The following SLC2A1 variants were observed in gnomAD, a reference collection of about 807,000 sequenced individuals.
SLC2A1 encodes solute carrier family 2 member 1, also known as solute carrier family 2, facilitated glucose transporter member 1.
Under a neutral mutation model 46.6 loss-of-function variants are expected in SLC2A1, and 4 were observed. That is an observed-to-expected ratio of 0.09 (90% CI 0.04 to 0.20). SLC2A1 has a LOEUF of 0.20. Ranked by LOEUF, SLC2A1 falls within the 10% of genes least tolerant of loss-of-function variation. The pLI is 1.00. For missense variants in SLC2A1, 352 were observed against 667.0 expected (o/e 0.53, Z 5.20); for synonymous variants, 253 against 270.0 (o/e 0.94, Z 0.62).
At chr1:42,946,151 G>A (rs1394631199) in intron 1 of SLC2A1, among the ~76,000 whole-genome samples, 4 of 152,240 alleles carry the variant, frequency 2.6e-5, no homozygotes, top group South Asian at 2.1e-4. Context: ...CCACTGAGCA[G>A]CTGCTCGACT....
chr1:42,926,856 T>C lies in SLC2A1; in HGVS notation c.*185A>G. The C allele has an allele frequency of 2.7e-6, 4 of 1,468,308 alleles. No homozygotes were observed. The highest frequency in any genetic ancestry group is 2.5e-5 in the Admixed American group (1 of 39,724). The allele number at this position is 1,468,308 out of a possible 1,614,324, so 91.0% of individuals were successfully genotyped here. On this transcript the variant is annotated 3_prime_UTR_variant, in exon 10 of 10. Transcript: ENST00000426263. ...ATAGATTTGAGCAACAGTCTTGCTTTTGTTAAAATCCTGGAGCCGTTAAGT... is the reference window on the plus strand; with the variant it reads ...ATAGATTTGAGCAACAGTCTTGCTTCTGTTAAAATCCTGGAGCCGTTAAGT...
At chr1:42,940,406 ATG>A (rs1643585514) in intron 2 of SLC2A1, among the ~76,000 whole-genome samples, 1 of 152,202 alleles carries the variant, frequency 6.6e-6, no homozygotes, top group Non-Finnish European at 1.5e-5. Context: ...GTCTATTACT[ATG>A]ACAGGCACCG....
At chr1:42,940,956 G>A (rs1014090601) in intron 2 of SLC2A1, among the ~76,000 whole-genome samples, 1 of 152,098 alleles carries the variant, frequency 6.6e-6, no homozygotes, top group Non-Finnish European at 1.5e-5. Context: ...TGGCACACCT[G>A]CTCCTTCTTC....
Position 42,927,095 on chromosome 1 carries a change from A to G in SLC2A1, c.1425T>C (p.Ser475=). The G allele has an allele frequency of 6.2e-7, 1 of 1,614,130 alleles. No individual in the cohort carries two copies. The highest frequency in any genetic ancestry group is 8.5e-7 in the Non-Finnish European group (1 of 1,180,030). The change falls in exon 10 of 10, where the codon AGT becomes AGC. Residue 475 remains serine, a synonymous_variant. Coordinates refer to ENST00000426263, the MANE Select transcript of SLC2A1 (RefSeq NM_006516.4). This position sits in a 1 kb window ranked among gnomAD's most constrained non-coding sequence, Gnocchi z 5.3. ...SGFRQGGASQ[S]DKTPEELFHP... ...GGAACAGCTCCTCGGGTGTCTTGTC[A>G]CTTTGGCTGGCTCCCCCCTGCCGGA...
At chr1:42,955,792 G>T (rs919120182) in intron 1 of SLC2A1, among the ~76,000 whole-genome samples, 1 of 152,194 alleles carries the variant, frequency 6.6e-6, no homozygotes, top group South Asian at 2.1e-4. Context: ...TCACCCTTGC[G>T]TGCTGCCCAG....
At chr1:42,928,168 G>A (rs1345754307) in intron 8 of SLC2A1, among the ~76,000 whole-genome samples, 1 of 152,182 alleles carries the variant, frequency 6.6e-6, no homozygotes, top group Non-Finnish European at 1.5e-5. Flanking sequence ...AGGCGTGTGA[G>A]GTGCCCAGCT....
At chr1:42,938,117 T>C (rs1381385283) in intron 2 of SLC2A1, among the ~76,000 whole-genome samples, 8 of 152,230 alleles carry the variant, frequency 5.3e-5, no homozygotes, top group African/African-American at 1.7e-4. Context: ...TCATCTCTAC[T>C]GGCAGCTCAG....
rs1363910132 is a variant in SLC2A1, at chr1:42,925,861, A to G, written c.*1180T>C. The G allele has an allele frequency of 2.0e-5, 3 of 152,254 alleles. No individual in the cohort carries two copies. Among genetic ancestry groups the G allele is most frequent in the Non-Finnish European group, 4.4e-5 (3 of 68,056 alleles). The allele number at this position is 152,254 out of a possible 1,614,324, so 9.4% of individuals were successfully genotyped here. On this transcript the variant is annotated 3_prime_UTR_variant, in exon 10 of 10. Transcript: ENST00000426263. ...GTACAGTATTTACTTCACATTCAAAATAATGCATTTCAAGCCTGAGCATCA... is the reference window on the plus strand; with the variant it reads ...GTACAGTATTTACTTCACATTCAAAGTAATGCATTTCAAGCCTGAGCATCA...
At chr1:42,946,827 T>C (rs544218141) in intron 1 of SLC2A1, among the ~76,000 whole-genome samples, 2 of 152,312 alleles carry the variant, frequency 1.3e-5, no homozygotes, top group African/African-American at 2.4e-5. Flanking sequence ...GCGCCCACTA[T>C]AGCCGGCTTG....
intron 1 of SLC2A1, among the ~76,000 whole-genome samples, chr1:42,952,808 CAA>C (rs894456812): frequency 6.6e-6 from 1 of 152,184 alleles, no homozygotes; most frequent in African/African-American, 2.4e-5. Context: ...CCCTCCAGCC[CAA>C]GAGAGTCCAC....
intron 1 of SLC2A1, among the ~76,000 whole-genome samples, chr1:42,948,359 G>C (rs1034832896): frequency 2.0e-5 from 3 of 152,182 alleles, no homozygotes; most frequent in African/African-American, 7.2e-5. Context: ...GCACAGGAAG[G>C]GCACGTGGCT....
At chr1:42,945,776 T>C (rs1172479322) in intron 1 of SLC2A1, among the ~76,000 whole-genome samples, 1 of 147,506 alleles carries the variant, frequency 6.8e-6, no homozygotes, top group Admixed American at 6.7e-5. Flanking sequence ...AACAAGAATG[T>C]ACAAGAAAGG....
intron 2 of SLC2A1, among the ~76,000 whole-genome samples, chr1:42,931,482 C>T (rs1280080517): frequency 6.6e-6 from 1 of 152,134 alleles, no homozygotes; most frequent in Non-Finnish European, 1.5e-5. Context: ...CTCAGTGTGA[C>T]TTGCTGGGAT....
intron 8 of SLC2A1, 51 bp downstream of exon 8, chr1:42,928,881 G>A (rs1643455533): frequency 6.6e-7 from 1 of 1,517,434 alleles, no homozygotes; most frequent in Non-Finnish European, 9.1e-7. Context: ...GGGATATGAA[G>A]CCCAGGCAAA....
In SLC2A1 at chr1:42,954,557, C is replaced by A. The variant is rs1156515409; in HGVS notation, c.18+4077G>T. On this transcript the variant is annotated intron_variant, in intron 1 of 9. Transcript: ENST00000426263. This position sits in a 1 kb window ranked among gnomAD's most constrained non-coding sequence, Gnocchi z 4.2. ...CAAAACAAAACACAGCTCCATAGAA[C>A]GCCTCAAATCTTTTGTGATAGCCTT... is the stretch of plus-strand genomic sequence containing the variant. 6.6e-6 allele frequency among the ~76,000 whole-genome samples: 1 copy of A among 152,118 alleles called. No individual in the cohort carries two copies. The highest frequency in any genetic ancestry group is 2.4e-5 in the African/African-American group (1 of 41,434).
chr1:42,928,444 T>C (rs964874692), intron 8 of SLC2A1, among the ~76,000 whole-genome samples: 1 of 152,144 alleles, frequency 6.6e-6, no homozygotes, highest in East Asian at 1.9e-4. Context: ...CTGAGGTTGA[T>C]TCCTGGCTTC....
intron 2 of SLC2A1, among the ~76,000 whole-genome samples, chr1:42,934,702 G>A (rs1225656703): frequency 6.6e-6 from 1 of 152,080 alleles, no homozygotes; most frequent in Non-Finnish European, 1.5e-5. Flanking sequence ...AGCAGCCTCC[G>A]CAACCCTGGG....
intron 1 of SLC2A1, among the ~76,000 whole-genome samples, chr1:42,956,407 C>CAAAAAAAAAAAAAAAAAAAAAAAA (rs71577684): frequency 1.1e-4 from 5 of 44,534 alleles, no homozygotes; most frequent in African/African-American, 4.2e-4. Context: ...ACTAAAACTA[C>CAAAAAAAAAAAAAAAAAAAAAAAA]AAAAAAAAAA....
chr1:42,941,877 A>G lies in SLC2A1; in HGVS notation c.114+1349T>C, dbSNP rs1256627749. 2.6e-5 allele frequency among the ~76,000 whole-genome samples: 4 copies of G among 152,370 alleles called. 1 individual carries two copies. In the Middle Eastern group the frequency reaches 0.01, roughly 389 times the overall value. ...GTCCAAGCATGGGCCCACGGTCTCC[A>G]TGCCCAGCAAACTTGGAAAAGTCCT... On this transcript the variant is annotated intron_variant, in intron 2 of 9. Coordinates refer to ENST00000426263, the MANE Select transcript of SLC2A1 (RefSeq NM_006516.4).
Sources: allele counts gnomAD v4.1 joint callset (sites outside exome capture counted in the v4.1 genomes callset), GRCh38; gene constraint gnomAD v4.1.1; non-coding constraint Gnocchi (gnomAD v3.1); transcripts MANE v1.5; gene names NCBI Gene and HGNC (gene_info 2026-07-23, HGNC 2026-07-21).